The following MTA3 variants were observed in gnomAD, a reference collection of about 807,000 sequenced individuals.
MTA3 encodes metastasis-associated protein MTA3.
A neutral mutation model predicts 83.5 loss-of-function variants in MTA3; 34 were observed. The observed-to-expected ratio is 0.41, with a 90% CI of 0.31 to 0.54. The LOEUF (loss-of-function observed/expected upper bound fraction) is 0.54, where lower values mean the gene tolerates loss of function less well. Ranked by LOEUF, MTA3 falls within the 20% of genes least tolerant of loss-of-function variation. The pLI is 0.33. For missense variants in MTA3, 761 were observed against 726.4 expected (o/e 1.05, Z -0.55); for synonymous variants, 303 against 252.7 (o/e 1.20, Z -1.89).
At chr2:42,749,754 C>A (rs1280175234) in intron 16 of MTA3, among the ~76,000 whole-genome samples, 2 of 152,094 alleles carry the variant, frequency 1.3e-5, no homozygotes, top group Non-Finnish European at 2.9e-5. Context: ...AGGCGTGAGT[C>A]ACCACACCTG....
intron 8 of MTA3, among the ~76,000 whole-genome samples, chr2:42,664,523 G>T (rs2104387281): frequency 7.4e-6 from 1 of 135,304 alleles, no homozygotes; most frequent in East Asian, 2.2e-4. Flanking sequence ...GCCCAGGCTG[G>T]AGTGCAGTGG....
At chr2:42,592,502 T>C (rs1172488265) in intron 3 of MTA3, among the ~76,000 whole-genome samples, 1 of 152,128 alleles carries the variant, frequency 6.6e-6, no homozygotes, top group Non-Finnish European at 1.5e-5. Context: ...GAGTATTGCT[T>C]GAGCCTGGGA....
chr2:42,672,452 G>C (rs1261865693), intron 8 of MTA3, among the ~76,000 whole-genome samples: 1 of 151,704 alleles, frequency 6.6e-6, no homozygotes, highest in Non-Finnish European at 1.5e-5. Context: ...AAACCAGCCT[G>C]GCTAACATGG....
intron 15 of MTA3, among the ~76,000 whole-genome samples, chr2:42,721,399 C>T (rs538053317): frequency 7.3e-5 from 11 of 151,004 alleles, no homozygotes; most frequent in African/African-American, 2.4e-4. Flanking sequence ...TCCATCTTGG[C>T]TCACTGCAAC....
intron 2 of MTA3, among the ~76,000 whole-genome samples, chr2:42,558,191 C>T (rs980019063): frequency 6.6e-6 from 1 of 151,826 alleles, no homozygotes; most frequent in Non-Finnish European, 1.5e-5. Flanking sequence ...CTGATCACTA[C>T]CTGCATAGTT....
chr2:42,726,186 A>G (rs1474903215), intron 16 of MTA3, among the ~76,000 whole-genome samples: 6 of 152,206 alleles, frequency 3.9e-5, no homozygotes, highest in Non-Finnish European at 7.3e-5. Context: ...TGTCAGACAG[A>G]TGAGCATACC....
chr2:42,689,763 T>A (rs1692703800), intron 9 of MTA3, among the ~76,000 whole-genome samples: 1 of 151,662 alleles, frequency 6.6e-6, no homozygotes, highest in Non-Finnish European at 1.5e-5. Context: ...CTGATACTGA[T>A]AATTTGTGTC....
chr2:42,662,224 G>A (rs543416705), intron 8 of MTA3, among the ~76,000 whole-genome samples: 50 of 151,874 alleles, frequency 3.3e-4, no homozygotes, highest in South Asian at 1.5e-3. Flanking sequence ...CTTTCAAAAC[G>A]TTTTTCTTTT....
At chr2:42,726,502 C>G (rs963999463) in intron 16 of MTA3, among the ~76,000 whole-genome samples, 2 of 152,076 alleles carry the variant, frequency 1.3e-5, no homozygotes, top group Admixed American at 1.3e-4. Context: ...CTATCCCTCC[C>G]CACTCCCCCC....
rs113514248 is a variant in MTA3 at position 42,604,028 on chromosome 2, C to T, written c.191-5430C>T. On this transcript the variant is annotated intron_variant, in intron 3 of 16. Coordinates refer to ENST00000405094, the MANE Select transcript of MTA3 (RefSeq NM_001330442.2). Reference sequence around the variant, plus strand: ...TCTCCCAACGTGCTGGGATTACAGGCGTGAGCCACCGCACCCAGCTCTTTG... The same window carrying T: ...TCTCCCAACGTGCTGGGATTACAGGTGTGAGCCACCGCACCCAGCTCTTTG... Among the ~76,000 whole-genome samples, 16 of 152,302 alleles carry T rather than the reference C, an allele frequency of 1.1e-4. 1 individual carries two copies. Among genetic ancestry groups the T allele is most frequent in the African/African-American group, 3.4e-4 (14 of 41,562 alleles).
In MTA3 at chr2:42,756,318, C is replaced by G. The variant is rs1283599898; in HGVS notation, c.*2919C>G. 1 of 369,026 alleles carries G rather than the reference C, an allele frequency of 2.7e-6. No homozygotes were observed. Among genetic ancestry groups the G allele is most frequent in the Non-Finnish European group, 3.8e-6 (1 of 266,436 alleles). The allele number at this position is 369,026 out of a possible 1,614,324, so 22.9% of individuals were successfully genotyped here. A position where few individuals can be genotyped will look rare whatever the true frequency, so the allele number is the denominator to read the frequency against. ...CCAGGCAGAGAGAGGGGGCCCCAGC[C>G]TCTCCCCTCCTCTTGGCCTCCAGAG... is the stretch of plus-strand genomic sequence containing the variant. On this transcript the variant is annotated 3_prime_UTR_variant, in exon 17 of 17. Transcript: ENST00000405094.
In MTA3 at chr2:42,753,418, T is replaced by C. The variant is rs2104612266; in HGVS notation, c.*19T>C. ...AGACTGAGCTTTCCCTGATTCATTCTACAATCCAAGACTTGCTGCACTGTC... is the reference window on the plus strand; with the variant it reads ...AGACTGAGCTTTCCCTGATTCATTCCACAATCCAAGACTTGCTGCACTGTC... On this transcript the variant is annotated 3_prime_UTR_variant, in exon 17 of 17. Coordinates refer to ENST00000405094, the MANE Select transcript of MTA3 (RefSeq NM_001330442.2). 6.4e-7 allele frequency: 1 copy of C among 1,550,600 alleles called. No homozygotes were observed. Among genetic ancestry groups the C allele is most frequent in the Non-Finnish European group, 8.7e-7 (1 of 1,146,956 alleles).
chr2:42,643,097 A>G (rs1573443944), intron 5 of MTA3, among the ~76,000 whole-genome samples: 1 of 140,442 alleles, frequency 7.1e-6, no homozygotes, highest in Admixed American at 7.2e-5. Context: ...ACAGTGAACA[A>G]TGAATAAAAT....
chr2:42,518,129 C>T (rs1415135433), intron 2 of MTA3, among the ~76,000 whole-genome samples: 6 of 151,472 alleles, frequency 4.0e-5, no homozygotes, highest in South Asian at 4.2e-4. Context: ...TGCAATGAGC[C>T]GAGATCGCAC....
chr2:42,620,571 CA>C (rs892945722), intron 4 of MTA3, among the ~76,000 whole-genome samples: 6 of 152,204 alleles, frequency 3.9e-5, no homozygotes, highest in African/African-American at 1.4e-4. Context: ...CGGCTCACTG[CA>C]GCCTTGACCT....
intron 14 of MTA3, among the ~76,000 whole-genome samples, chr2:42,715,409 T>TAA (rs1260629276): frequency 0.029 from 646 of 22,272 alleles, 6 homozygotes; most frequent in African/African-American, 0.21. Context: ...CCAACTACTT[T>TAA]TTTTTTTTTT....
intron 11 of MTA3, among the ~76,000 whole-genome samples, chr2:42,698,736 A>G (rs1291360718): frequency 2.0e-5 from 3 of 152,126 alleles, no homozygotes; most frequent in African/African-American, 7.2e-5. Context: ...ACATGTTTTT[A>G]TATACATAGA....
chr2:42,570,628 G>T (rs1251984186), intron 2 of MTA3, 124 bp downstream of exon 2: 3 of 489,970 alleles, frequency 6.1e-6, no homozygotes, highest in Non-Finnish European at 1.1e-5. Flanking sequence ...GGGAGGCCTG[G>T]CGAGTGGATA....
intron 9 of MTA3, among the ~76,000 whole-genome samples, chr2:42,686,866 C>A (rs940626515): frequency 9.3e-5 from 14 of 151,016 alleles, no homozygotes; most frequent in African/African-American, 3.2e-4. Context: ...CACTTGTAAT[C>A]CAAGCACTTA....
Sources: allele counts gnomAD v4.1 joint callset (sites outside exome capture counted in the v4.1 genomes callset), GRCh38; gene constraint gnomAD v4.1.1; transcripts MANE v1.5; gene names NCBI Gene and HGNC (gene_info 2026-07-23, HGNC 2026-07-21).